MIB1: variants seen among roughly 807,000 people sequenced by gnomAD.
The protein encoded by MIB1 is E3 ubiquitin-protein ligase MIB1.
A neutral mutation model predicts 124.5 loss-of-function variants in MIB1; 278 were observed. That is an observed-to-expected ratio of 2.23 (90% confidence interval 2.02 to 2.47). MIB1 has a LOEUF of 2.47. Among genes scored for constraint, MIB1 ranks in the 30% most tolerant of loss-of-function variants. The probability of loss-of-function intolerance (pLI) is 0.00; values close to 1 mark genes in which losing one functional copy is unlikely to be tolerated. For missense variants in MIB1, 957 were observed against 1,254.4 expected (o/e 0.76, Z 3.58); for synonymous variants, 446 against 429.4 (o/e 1.04, Z -0.48).
intron 1 of MIB1, among the ~76,000 whole-genome samples, chr18:21,726,539 T>C (rs2040743010): frequency 6.6e-6 from 1 of 152,202 alleles, no homozygotes; most frequent in African/African-American, 2.4e-5. Flanking sequence ...TCCCTCATCA[T>C]GCCCAATAGA....
intron 1 of MIB1, among the ~76,000 whole-genome samples, chr18:21,753,376 C>CG (rs2040996621): frequency 6.6e-6 from 1 of 151,710 alleles, no homozygotes; most frequent in African/African-American, 2.4e-5. Context: ...TTAGTAGAGA[C>CG]GGGGTTTCAC....
Position 21,831,154 on chromosome 18 carries a change from C to G in MIB1, c.1830-7211C>G, listed in dbSNP as rs545476080. On this transcript the variant is annotated intron_variant, in intron 12 of 20. Coordinates refer to ENST00000261537, the MANE Select transcript of MIB1 (RefSeq NM_020774.4). ...GAACCCAAAACACACCTTACTCCCC[C>G]CAAATAACTGTAAACATTCACCCTG... 2.6e-5 allele frequency: 4 copies of G among 151,248 alleles called. No individual in the cohort carries two copies. The East Asian group carries it at 7.7e-4, about 29-fold the overall frequency. 9.4% of individuals were successfully genotyped at this position (151,248 alleles called of 1,614,324 possible). A position where few individuals can be genotyped will look rare whatever the true frequency, so the allele number is the denominator to read the frequency against.
intron 9 of MIB1, among the ~76,000 whole-genome samples, chr18:21,802,152 C>T (rs1013168241): frequency 6.6e-6 from 1 of 152,024 alleles, no homozygotes; most frequent in African/African-American, 2.4e-5. Flanking sequence ...CATTCTGATT[C>T]CTGATCTTAC....
chr18:21,748,096 T>A (rs1005474949), intron 1 of MIB1, among the ~76,000 whole-genome samples: 5 of 152,176 alleles, frequency 3.3e-5, no homozygotes, highest in Non-Finnish European at 5.9e-5. Context: ...AAGAAATTTG[T>A]CCAGTCACAA....
intron 1 of MIB1, among the ~76,000 whole-genome samples, chr18:21,726,365 C>T (rs886811100): frequency 1.3e-5 from 2 of 151,714 alleles, no homozygotes; most frequent in South Asian, 4.2e-4. Context: ...CCAGCCTGGG[C>T]AACATAGCAA....
Position 21,741,698 on chromosome 18 carries a change from G to A in MIB1, c.115G>A (p.Val39Ile). The A allele has an allele frequency of 6.2e-7, 1 of 1,611,420 alleles. No homozygotes were observed. Among genetic ancestry groups the A allele is most frequent in the Non-Finnish European group, 8.5e-7 (1 of 1,179,358 alleles). ...CGGCGGCGAGGGCCATGTGGGCACCGTCCGGAGCTTCGAGAGCCCCGAGGA... is the reference window on the plus strand; with the variant it reads ...CGGCGGCGAGGGCCATGTGGGCACCATCCGGAGCTTCGAGAGCCCCGAGGA... ...QDGGEGHVGT[V>I]RSFESPEEVV... The change falls in exon 1 of 21, where the codon GTC (valine) becomes ATC (isoleucine). Residue 39 changes from valine to isoleucine, a missense_variant. Val to Ile is a conservative substitution (Grantham distance 29). Transcript: ENST00000261537. The surrounding 1 kb of genome is among the most constrained non-coding windows in gnomAD (Gnocchi z 5.4).
rs1294717943 is a variant in MIB1, at chr18:21,791,358, A to G, written c.909-16A>G. The G allele has an allele frequency of 1.9e-6, 3 of 1,583,116 alleles. No homozygotes were observed. The highest frequency in any genetic ancestry group is 2.6e-6 in the Non-Finnish European group (3 of 1,164,308). The stretch of plus-strand genomic sequence containing the variant: ...AGCAAAGCTACCCATTTTGAGGTTT[A>G]GCTTTGCTCTTGTAGGTGGACCTTC... On this transcript the variant is annotated splice_polypyrimidine_tract_variant and intron_variant, in intron 6 of 20. Coordinates refer to ENST00000261537, the MANE Select transcript of MIB1 (RefSeq NM_020774.4).
chr18:21,719,251 G>T (rs1300758798), intron 1 of MIB1, among the ~76,000 whole-genome samples: 1 of 151,954 alleles, frequency 6.6e-6, no homozygotes, highest in Non-Finnish European at 1.5e-5. Flanking sequence ...TGGGAGGATT[G>T]CTTGAGCCCA....
intron 20 of MIB1, among the ~76,000 whole-genome samples, chr18:21,860,690 TAGTC>T (rs1254438322): frequency 6.6e-6 from 1 of 152,264 alleles, no homozygotes; most frequent in South Asian, 2.1e-4. Flanking sequence ...GAAAATAACA[TAGTC>T]AGTAGTTAGC....
At chr18:21,724,730 ATATATATATATATATATATATAT>A (rs2040732839) in intron 1 of MIB1, among the ~76,000 whole-genome samples, 1 of 41,396 alleles carries the variant, frequency 2.4e-5, no homozygotes, top group African/African-American at 1.1e-4. Flanking sequence ...AAAAAAAAAT[ATATATATATATATATATATATAT>A]ATATATATAT....
intron 10 of MIB1, among the ~76,000 whole-genome samples, chr18:21,812,099 A>G (rs2041780355): frequency 6.6e-6 from 1 of 152,192 alleles, no homozygotes; most frequent in Non-Finnish European, 1.5e-5. Flanking sequence ...GGTATAATAA[A>G]TTTGTGAGAG....
rs1419545741 is a variant in MIB1, at chr18:21,868,207, T to C, written c.*3541T>C. 6.6e-6 allele frequency: 1 copy of C among 152,044 alleles called. No homozygotes were observed. The highest frequency in any genetic ancestry group is 1.9e-4 in the East Asian group (1 of 5,202). The allele number at this position is 152,044 out of a possible 1,614,324, so 9.4% of individuals were successfully genotyped here. A position where few individuals can be genotyped will look rare whatever the true frequency, so the allele number is the denominator to read the frequency against. On this transcript the variant is annotated 3_prime_UTR_variant, in exon 21 of 21. Transcript: ENST00000261537. ...GCCATGTGAAGTACATTTACACTGT[T>C]GTGAAGCAGATCTCCAGAACTTTTT...
At chr18:21,751,361 A>G (rs899627619) in intron 1 of MIB1, among the ~76,000 whole-genome samples, 1 of 152,050 alleles carries the variant, frequency 6.6e-6, no homozygotes, top group Non-Finnish European at 1.5e-5. Flanking sequence ...ACTGCAGCCA[A>G]GTGATTCTCC....
intron 10 of MIB1, among the ~76,000 whole-genome samples, chr18:21,812,654 G>T (rs554203852): frequency 7.7e-4 from 117 of 152,304 alleles, no homozygotes; most frequent in African/African-American, 2.6e-3. Context: ...AGTTCTATCA[G>T]CTAAGATAGG....
intron 1 of MIB1, among the ~76,000 whole-genome samples, chr18:21,726,897 C>T (rs1327903319): frequency 6.6e-6 from 1 of 152,090 alleles, no homozygotes. Flanking sequence ...GAATCAGAAT[C>T]CTTCTAGGTG....
intron 1 of MIB1, among the ~76,000 whole-genome samples, chr18:21,718,145 A>C (rs1479581574): frequency 6.6e-6 from 1 of 152,220 alleles, no homozygotes; most frequent in Non-Finnish European, 1.5e-5. Flanking sequence ...GGAATGGAAA[A>C]CCAAACATTG....
intron 1 of MIB1, among the ~76,000 whole-genome samples, chr18:21,751,263 C>G (rs2040971955): frequency 6.6e-6 from 1 of 151,900 alleles, no homozygotes. Context: ...TTAAACGTCA[C>G]AGTTATTATT....
At position 21,799,985 on chromosome 18, in the gene MIB1, T is replaced by G; in HGVS notation, c.1371+11T>G. On this transcript the variant is annotated intron_variant, in intron 9 of 20. Transcript: ENST00000261537. ...AGACCAGATGTGGATGTGAGCATTT[T>G]AAAAATTATTTTGAAGCATACAAAA... 1 of 1,606,314 alleles carries G rather than the reference T, an allele frequency of 6.2e-7. No individual in the cohort carries two copies. Among genetic ancestry groups the G allele is most frequent in the African/African-American group, 1.3e-5 (1 of 74,834 alleles).
intron 20 of MIB1, among the ~76,000 whole-genome samples, chr18:21,861,609 GGAATGATGGGATTTC>G (rs1487546052): frequency 1.3e-4 from 20 of 149,744 alleles, no homozygotes; most frequent in African/African-American, 4.9e-4. Context: ...CATCTTATGA[GGAATGATGGGATTTC>G]TTATAGGGAC....
Sources: allele counts gnomAD v4.1 joint callset (sites outside exome capture counted in the v4.1 genomes callset), GRCh38; gene constraint gnomAD v4.1.1; non-coding constraint Gnocchi (gnomAD v3.1); transcripts MANE v1.5; gene names NCBI Gene and HGNC (gene_info 2026-07-23, HGNC 2026-07-21).